The following FBN3 variants were observed in gnomAD, a reference collection of about 807,000 sequenced individuals.
FBN3 encodes fibrillin 3.
FBN3 carries 234 observed loss-of-function variants against 330.1 expected under a neutral mutation model. The observed-to-expected ratio is 0.71, with a 90% CI of 0.64 to 0.79. The LOEUF (loss-of-function observed/expected upper bound fraction) is 0.79. Ranked by LOEUF, FBN3 falls within the 30% of genes least tolerant of loss-of-function variation. The pLI is 0.00. For missense variants in FBN3, 3,606 were observed against 3,886.9 expected, an observed-to-expected ratio of 0.93 and a Z score of 1.92; for synonymous variants, 1,458 against 1,517.3, an observed-to-expected ratio of 0.96 and a Z score of 0.91.
In FBN3 at chr19:8,118,970, G is replaced by A; in HGVS notation, c.3264C>T (p.Thr1088=). ...GGCACTTGTAGCTCCCATCCGTGTTGGTGCAAGTGCCTCCCCGGCAGAGCA... is the reference window on the plus strand; with the variant it reads ...GGCACTTGTAGCTCCCATCCGTGTTAGTGCAAGTGCCTCCCCGGCAGAGCA... ...DPLLCRGGTC[T]NTDGSYKCQC... is the part of the protein sequence containing the mutation. Residue 1088 remains threonine, a synonymous_variant, in exon 26 of 64, where the codon ACC becomes ACT. Coordinates refer to ENST00000600128, the MANE Select transcript of FBN3 (RefSeq NM_032447.5). 6.2e-7 allele frequency: 1 copy of A among 1,612,278 alleles called. No homozygotes were observed. The highest frequency in any genetic ancestry group is 8.5e-7 in the Non-Finnish European group (1 of 1,178,456).
rs2081375625 is a variant in FBN3 at position 8,065,752 on chromosome 19, C to A, written c.*167G>T. On this transcript the variant is annotated 3_prime_UTR_variant, in exon 64 of 64. Coordinates refer to ENST00000600128, the MANE Select transcript of FBN3 (RefSeq NM_032447.5). ...AACTGGGGGGCCCCCGGGGCTGGCA[C>A]AGAGGCCCAGGCAGAGGCCGGGCTT... 16 of 628,586 alleles carry A rather than the reference C, an allele frequency of 2.5e-5. No homozygotes were observed. Among genetic ancestry groups the A allele is most frequent in the Non-Finnish European group, 3.7e-5 (14 of 374,076 alleles). The allele number at this position is 628,586 out of a possible 1,614,324, so 38.9% of individuals were successfully genotyped here.
In FBN3 at chr19:8,093,210, G is replaced by A. The variant is rs558984532; in HGVS notation, c.5905+1236C>T. Among the ~76,000 whole-genome samples the A allele has an allele frequency of 2.6e-3, 400 of 152,190 alleles. 1 individual carries two copies. Among genetic ancestry groups the A allele is most frequent in the African/African-American group, 9.2e-3 (381 of 41,540 alleles). On this transcript the variant is annotated intron_variant, in intron 47 of 63. Coordinates refer to ENST00000600128, the MANE Select transcript of FBN3 (RefSeq NM_032447.5). ...CAAATAGAATAGATCAGAATAGGCC[G>A]GGCATGGTGACTCATGCCTGCAATC...
At chr19:8,093,433 C>G (rs1018596782) in intron 47 of FBN3, among the ~76,000 whole-genome samples, 1 of 152,080 alleles carries the variant, frequency 6.6e-6, no homozygotes, top group Non-Finnish European at 1.5e-5. Context: ...AGCATCCTGG[C>G]TAACATGGTG....
At chr19:8,100,767 G>A in intron 41 of FBN3, 134 bp downstream of exon 41, 3 of 707,270 alleles carry the variant, frequency 4.2e-6, no homozygotes, top group Admixed American at 2.4e-5. Context: ...GGGAGTTGGA[G>A]GTGTGTGGAG....
rs116382257 is a variant in FBN3 at position 8,106,903 on chromosome 19, T to C, written c.4688-670A>G. Among the ~76,000 whole-genome samples the C allele has an allele frequency of 3.2e-3, 476 of 149,146 alleles. 4 individuals carry two copies. Among genetic ancestry groups the C allele is most frequent in the African/African-American group, 0.011 (449 of 40,298 alleles). Reference sequence around the variant, plus strand: ...GATGGATGGGTGAATGGGGGATAGATGGATGGGTGAATAGATGGATAGAAG... The same window carrying C: ...GATGGATGGGTGAATGGGGGATAGACGGATGGGTGAATAGATGGATAGAAG... On this transcript the variant is annotated intron_variant, in intron 37 of 63. Coordinates refer to ENST00000600128, the MANE Select transcript of FBN3 (RefSeq NM_032447.5).
chr19:8,128,978 G>T, intron 18 of FBN3, 50 bp downstream of exon 18: 1 of 1,570,100 alleles, frequency 6.4e-7, no homozygotes, highest in Non-Finnish European at 8.7e-7. Context: ...TGCCAAGTAT[G>T]TTGGAGCATA....
chr19:8,110,992 C>A, intron 33 of FBN3, 25 bp from the exon 34 acceptor site: 2 of 1,614,156 alleles, frequency 1.2e-6, no homozygotes, highest in Non-Finnish European at 1.7e-6. Flanking sequence ...GGTCAGCCTG[C>A]CCCACCCAGA....
At chr19:8,086,357 G>A in intron 54 of FBN3, 32 bp from the exon 55 acceptor site, 1 of 1,559,700 alleles carries the variant, frequency 6.4e-7, no homozygotes, top group African/African-American at 1.4e-5. Context: ...AGGTGGGCGG[G>A]GAGGCCACAG....
Position 8,085,392 on chromosome 19 carries a change from T to C in FBN3, c.7058A>G (p.His2353Arg), listed in dbSNP as rs1210664895. The C allele has an allele frequency of 6.3e-7, 1 of 1,581,298 alleles. No homozygotes were observed. Among genetic ancestry groups the C allele is most frequent in the South Asian group, 1.2e-5 (1 of 86,748 alleles). ...GCCCTCAGCAGTGTAGCCTGAGCCA[T>C]GGGGGCACAGCTTCCTGTAGGCAGA... ...GTSAYRKLCP[H>R]GSGYTAEGRD... The change falls in exon 56 of 64, where the codon CAT becomes CGT. Residue 2353 changes from histidine to arginine, a missense_variant. Transcript: ENST00000600128.
intron 13 of FBN3, 120 bp from the exon 14 acceptor site, chr19:8,133,226 A>G: frequency 7.9e-7 from 1 of 1,265,006 alleles, no homozygotes; most frequent in Non-Finnish European, 1.0e-6. Flanking sequence ...GAGGCAAACA[A>G]GCTGTGGTTG....
chr19:8,072,342 G>T, intron 62 of FBN3, 144 bp from the exon 63 acceptor site: 1 of 856,728 alleles, frequency 1.2e-6, no homozygotes, highest in Non-Finnish European at 1.8e-6. Flanking sequence ...TGCTGGTGTG[G>T]CTCCGTGTGC....
At chr19:8,085,257 A>ACAC (rs2081912054) in intron 56 of FBN3, 106 bp downstream of exon 56, 4 of 864,026 alleles carry the variant, frequency 4.6e-6, no homozygotes, top group Non-Finnish European at 7.1e-6. Flanking sequence ...ACACACACAC[A>ACAC]GTGTGGCTCA....
intron 13 of FBN3, 25 bp downstream of exon 13, chr19:8,135,936 G>GGGGGGGGGGGGGGGGGCCGCC: frequency 1.5e-6 from 1 of 668,778 alleles, no homozygotes; most frequent in Non-Finnish European, 2.4e-6. Context: ...GGAAGCCCCT[G>GGGGGGGGGGGGGGGGGCCGCC]CCCACCCGCC....
intron 47 of FBN3, among the ~76,000 whole-genome samples, chr19:8,093,981 G>A (rs2082155873): frequency 6.6e-6 from 1 of 152,102 alleles, no homozygotes; most frequent in Non-Finnish European, 1.5e-5. Context: ...AGTGAACAAA[G>A]CAGCCCATCT....
chr19:8,083,838 TG>T (rs2081868660), intron 56 of FBN3, among the ~76,000 whole-genome samples: 1 of 144,002 alleles, frequency 6.9e-6, no homozygotes, highest in Non-Finnish European at 1.5e-5. Flanking sequence ...AGTCTCGCTC[TG>T]TCGCCCAGGC....
intron 41 of FBN3, among the ~76,000 whole-genome samples, chr19:8,099,870 C>T (rs1189130634): frequency 1.3e-5 from 2 of 151,500 alleles, no homozygotes; most frequent in Admixed American, 6.6e-5. Context: ...ATTAGCCAGG[C>T]ATGGTGGCAG....
intron 59 of FBN3, among the ~76,000 whole-genome samples, chr19:8,076,527 T>C (rs2081646282): frequency 6.6e-6 from 1 of 152,042 alleles, no homozygotes. Flanking sequence ...TAGTCCCAGC[T>C]ACTCGGGAGG....
intron 62 of FBN3, 71 bp downstream of exon 62, chr19:8,072,992 T>TGTGTGTGTGTGTGTGTGCGTGC: frequency 1.1e-6 from 1 of 885,782 alleles, no homozygotes; most frequent in Admixed American, 2.0e-5. Context: ...TGTGTGTGTG[T>TGTGTGTGTGTGTGTGTGCGTGC]GTGTGTGTGT....
At position 8,147,397 on chromosome 19, in the gene FBN3, A is replaced by G; in HGVS notation, c.84T>C (p.Gly28=). The change falls in exon 2 of 64, where the codon GGT becomes GGC. Residue 28 remains glycine (G), a synonymous_variant. Coordinates refer to ENST00000600128, the MANE Select transcript of FBN3 (RefSeq NM_032447.5). ...AGGCCCCGTCCCAGCGGCCTTGGCC[A>G]CCTGCCATGCACAACAGGGCCGACC... ...LAWSALLCMA[G]GQGRWDGALE... 1 of 1,596,756 alleles carries G rather than the reference A, an allele frequency of 6.3e-7. No homozygotes were observed. The highest frequency in any genetic ancestry group is 8.5e-7 in the Non-Finnish European group (1 of 1,173,316).
Sources: gnomAD v4.1 joint callset for allele counts (sites outside exome capture counted in the v4.1 genomes callset) on GRCh38, gnomAD v4.1.1 for gene constraint, MANE v1.5 for transcripts, NCBI Gene and HGNC (gene_info 2026-07-23, HGNC 2026-07-21) for gene names.